Variants in ZNF75D observed in about 807,000 individuals in gnomAD.
ZNF75D encodes the protein zinc finger protein 75.
Under a neutral mutation model 33.3 loss-of-function variants are expected in ZNF75D, and 33 were observed. That is an observed-to-expected ratio of 0.99 (90% CI 0.75 to 1.32). The LOEUF is 1.32. ZNF75D is among the 40% of genes most tolerant of loss of function. The probability of loss-of-function intolerance (pLI) is 0.00; values close to 1 mark genes in which losing one functional copy is unlikely to be tolerated. For missense variants in ZNF75D, 338 were observed against 367.5 expected (o/e 0.92, Z 0.66); for synonymous variants, 113 against 130.6 (o/e 0.87, Z 0.92).
chrX:135,333,642 C>G (rs947305950), intron 1 of ZNF75D, among the ~76,000 whole-genome samples: 1 of 111,210 alleles, frequency 9.0e-6, no homozygotes, highest in Admixed American at 9.6e-5. Flanking sequence ...TAAATTGTAA[C>G]CTTAAGGCTG....
At chrX:135,274,129 T>C (rs1346952879) in intron 1 of ZNF75D, among the ~76,000 whole-genome samples, 2 of 111,766 alleles carry the variant, frequency 1.8e-5, no homozygotes, top group Non-Finnish European at 3.8e-5. Context: ...GAATCTTTCT[T>C]TGTGTGTGTA....
At chrX:135,341,129 G>A (rs2084778875) in intron 1 of ZNF75D, among the ~76,000 whole-genome samples, 1 of 111,529 alleles carries the variant, frequency 9.0e-6, no homozygotes, top group Non-Finnish European at 1.9e-5. Context: ...TCTAGATTGA[G>A]TGCACAGAAG....
At chrX:135,282,641 G>C (rs1314562725), downstream of ZNF75D, among the ~76,000 whole-genome samples, 1 of 111,804 alleles carries the variant, frequency 8.9e-6, no homozygotes, top group Non-Finnish European at 1.9e-5. Flanking sequence ...GAATCCCCTG[G>C]TCTGTGGGTT....
intron 1 of ZNF75D, among the ~76,000 whole-genome samples, chrX:135,333,083 TGGCAGAGAGAGAGAGAGAGA>T (rs1177281491): frequency 2.7e-5 from 3 of 110,741 alleles, no homozygotes; most frequent in Admixed American, 1.9e-4. Flanking sequence ...GGGGAGTGAC[TGGCAGAGAGAGAGAGAGAGA>T]GGCAGAGAGA....
At chrX:135,294,707 A>G (rs1383898252) in intron 2 of ZNF75D, among the ~76,000 whole-genome samples, 7 of 111,895 alleles carry the variant, frequency 6.3e-5, no homozygotes, top group Non-Finnish European at 1.1e-4. Flanking sequence ...AACAGTTTCT[A>G]TATCCCTTCA....
At chrX:135,259,480 G>T (rs1275558761) in intron 1 of ZNF75D, among the ~76,000 whole-genome samples, 1 of 111,354 alleles carries the variant, frequency 9.0e-6, no homozygotes, top group Non-Finnish European at 1.9e-5. Flanking sequence ...TTCACCAGTG[G>T]TTTCTAGTTC....
chrX:135,273,666 G>A (rs2083890555), intron 1 of ZNF75D, among the ~76,000 whole-genome samples: 1 of 111,192 alleles, frequency 9.0e-6, no homozygotes, highest in African/African-American at 3.3e-5. Context: ...TCTAAGAGTG[G>A]ACCCCAAAAA....
intron 1 of ZNF75D, among the ~76,000 whole-genome samples, chrX:135,336,627 TCCTAGC>T (rs1261494878): frequency 8.9e-6 from 1 of 112,093 alleles, no homozygotes; most frequent in Admixed American, 9.4e-5. Context: ...ATATCTGCAT[TCCTAGC>T]CCTAGCCCTA....
chrX:135,287,101 C>T lies in ZNF75D; in HGVS notation c.*36G>A. On this transcript the variant is annotated 3_prime_UTR_variant, in exon 7 of 7. Coordinates refer to ENST00000370766, the MANE Select transcript of ZNF75D (RefSeq NM_007131.5). ...TGCCTCATAATTTTGTATTCTTTCA[C>T]CACTTCTAAAGTCAAGCTCTACATG... The T allele has an allele frequency of 1.8e-6, 2 of 1,103,781 alleles. No homozygotes were observed. Among genetic ancestry groups the T allele is most frequent in the South Asian group, 4.0e-5 (2 of 50,268 alleles). The allele number at this position is 1,103,781 out of a possible 1,213,427, so 91.0% of individuals were successfully genotyped here. A position where few individuals can be genotyped will look rare whatever the true frequency, so the allele number is the denominator to read the frequency against.
At chrX:135,326,806 C>A (rs1336893171) in intron 1 of ZNF75D, among the ~76,000 whole-genome samples, 1 of 111,233 alleles carries the variant, frequency 9.0e-6, no homozygotes, top group Non-Finnish European at 1.9e-5. Context: ...TGCAGCTTCA[C>A]TCCTGAGCCC....
At chrX:135,326,657 A>C (rs2084581869) in intron 1 of ZNF75D, among the ~76,000 whole-genome samples, 1 of 111,968 alleles carries the variant, frequency 8.9e-6, no homozygotes, top group South Asian at 3.8e-4. Context: ...TTGGGTCCAC[A>C]CTGCTTTTAT....
intron 1 of ZNF75D, among the ~76,000 whole-genome samples, chrX:135,304,273 GTGGGCCTGGA>G (rs1432542127): frequency 2.1e-4 from 23 of 111,255 alleles, no homozygotes; most frequent in African/African-American, 7.5e-4. Context: ...TGTGCTGAGC[GTGGGCCTGGA>G]TGGGCATAGG....
In ZNF75D at chrX:135,287,283, G is replaced by A; in HGVS notation, c.1387C>T (p.His463Tyr). ...ECGKRFIQNS[H>Y]LIKHQRTHTG... ...TGAGTTCTCTGGTGTTTAATAAGGT[G>A]GGAGTTCTGAATGAATCTTTTTCCA... Residue 463 changes from histidine to tyrosine, a missense_variant, in exon 7 of 7, where the codon CAC becomes TAC. Transcript: ENST00000370766. The A allele has an allele frequency of 2.5e-6, 3 of 1,211,730 alleles. No homozygotes were observed. Among genetic ancestry groups the A allele is most frequent in the Non-Finnish European group, 3.4e-6 (3 of 895,346 alleles).
chrX:135,275,718 G>A (rs2083897286), intron 1 of ZNF75D, among the ~76,000 whole-genome samples: 1 of 110,201 alleles, frequency 9.1e-6, no homozygotes, highest in Non-Finnish European at 1.9e-5. Context: ...TCTGTGAATC[G>A]ATATTTTGTT....
chrX:135,282,492 G>A (rs1556418683), downstream of ZNF75D, among the ~76,000 whole-genome samples: 1 of 111,500 alleles, frequency 9.0e-6, no homozygotes, highest in Non-Finnish European at 1.9e-5. Context: ...TTTCCAGGGA[G>A]TGAAAAGTTC....
chrX:135,315,954 T>C (rs1459533907), intron 1 of ZNF75D, among the ~76,000 whole-genome samples: 1 of 112,154 alleles, frequency 8.9e-6, no homozygotes, highest in African/African-American at 3.2e-5. Context: ...TGAGGTTTTG[T>C]TCTGTCATGT....
At chrX:135,325,567 G>T (rs782753019) in intron 1 of ZNF75D, among the ~76,000 whole-genome samples, 1 of 112,304 alleles carries the variant, frequency 8.9e-6, no homozygotes, top group African/African-American at 3.2e-5. Context: ...CGGCCCTGCC[G>T]GCCCCGGGCA....
At chrX:135,260,057 G>T (rs1470315510) in intron 1 of ZNF75D, among the ~76,000 whole-genome samples, 4 of 111,924 alleles carry the variant, frequency 3.6e-5, no homozygotes, top group Non-Finnish European at 5.6e-5. Context: ...ATAATCATGT[G>T]CTTTTTGTTG....
At chrX:135,305,537 G>T (rs1245790359) in intron 1 of ZNF75D, among the ~76,000 whole-genome samples, 2 of 111,092 alleles carry the variant, frequency 1.8e-5, no homozygotes, top group Non-Finnish European at 3.8e-5. Flanking sequence ...TATATCTCTT[G>T]CGAGAATTCC....
Sources: allele counts gnomAD v4.1 joint callset (sites outside exome capture counted in the v4.1 genomes callset), GRCh38; gene constraint gnomAD v4.1.1; transcripts MANE v1.5; gene names NCBI Gene and HGNC (gene_info 2026-07-23, HGNC 2026-07-21).